PHACTR1: variants seen among roughly 807,000 people sequenced by gnomAD.
PHACTR1 encodes the protein RPEL repeat containing 1.
Under a neutral mutation model 69.2 loss-of-function variants are expected in PHACTR1, and 16 were observed. The ratio of observed to expected loss-of-function variants is 0.23; its 90% CI spans 0.16 to 0.35. The LOEUF is 0.35. Among genes scored for constraint, PHACTR1 ranks in the 10% least tolerant of loss-of-function variants. The pLI, the probability that PHACTR1 is intolerant of heterozygous loss-of-function variation, is 1.00. For synonymous variants in PHACTR1, 312 were observed against 284.5 expected, an observed-to-expected ratio of 1.10 and a Z score of -0.97; for missense variants, 510 against 734.7, an observed-to-expected ratio of 0.69 and a Z score of 3.54.
chr6:12,878,973 T>C (rs1305225863), intron 4 of PHACTR1, among the ~76,000 whole-genome samples: 1 of 152,218 alleles, frequency 6.6e-6, no homozygotes, highest in Non-Finnish European at 1.5e-5. Flanking sequence ...CCTCTGCTTT[T>C]ATCAACAGCA....
chr6:12,888,229 C>T (rs993594833), intron 4 of PHACTR1, among the ~76,000 whole-genome samples: 11 of 152,040 alleles, frequency 7.2e-5, no homozygotes, highest in African/African-American at 1.7e-4. Flanking sequence ...GGGGATACAG[C>T]GTTCATTCAT....
intron 4 of PHACTR1, among the ~76,000 whole-genome samples, chr6:12,756,537 A>G (rs1274669470): frequency 1.7e-4 from 26 of 152,204 alleles, no homozygotes; most frequent in Admixed American, 1.7e-3. Context: ...GACTTTCTAC[A>G]CAGTTACTGA....
At chr6:12,860,200 C>T (rs551302529) in intron 4 of PHACTR1, among the ~76,000 whole-genome samples, 5 of 152,154 alleles carry the variant, frequency 3.3e-5, no homozygotes, top group African/African-American at 1.2e-4. Context: ...CCCCTCGGTG[C>T]CCATATGTTC....
chr6:12,887,965 C>T (rs1002153777), intron 4 of PHACTR1, among the ~76,000 whole-genome samples: 1 of 146,506 alleles, frequency 6.8e-6, no homozygotes, highest in East Asian at 2.1e-4. Flanking sequence ...CCCAGCTACT[C>T]GGGAGGCTGA....
At chr6:13,126,797 G>A (rs908392341) in intron 5 of PHACTR1, among the ~76,000 whole-genome samples, 1 of 152,218 alleles carries the variant, frequency 6.6e-6, no homozygotes, top group African/African-American at 2.4e-5. Flanking sequence ...TATGGAATTT[G>A]TGCTCAGGTC....
Position 13,017,306 on chromosome 6 carries a change from A to C in PHACTR1, c.251-36059A>C, listed in dbSNP as rs76317844. 4.7e-3 allele frequency among the ~76,000 whole-genome samples: 708 copies of C among 151,904 alleles called. 5 individuals carry two copies. The highest frequency in any genetic ancestry group is 0.017 in the African/African-American group (685 of 41,402). On this transcript the variant is annotated intron_variant, in intron 4 of 14. Coordinates refer to ENST00000332995, the MANE Select transcript of PHACTR1 (RefSeq NM_030948.6). ...CTGCCACCTACACTGAATGTGGAAC[A>C]TTAGGTATTGTGGTGTCTGTTTATA...
chr6:12,718,987 T>A, intron 3 of PHACTR1, 140 bp downstream of exon 3: 1 of 473,288 alleles, frequency 2.1e-6, no homozygotes, highest in South Asian at 4.5e-5. Context: ...ACCAAACTGC[T>A]GCTGGAATTG....
rs1185152518 is a variant in PHACTR1, at chr6:13,141,711, A to C, written c.416-18493A>C. 8.8e-5 allele frequency among the ~76,000 whole-genome samples: 12 copies of C among 136,324 alleles called. No individual in the cohort carries two copies. The Admixed American group carries it at 9.0e-4, about 10-fold the overall frequency. The allele number at this position is 136,324 out of a possible 152,430, so 89.4% of individuals were successfully genotyped here. On this transcript the variant is annotated intron_variant, in intron 5 of 14. Coordinates refer to ENST00000332995, the MANE Select transcript of PHACTR1 (RefSeq NM_030948.6). ...TATTTTCTTTATTCCACACATGTTTAGATTTCTTCTTTCTTTTTTTTTTTT... is the reference window on the plus strand; with the variant it reads ...TATTTTCTTTATTCCACACATGTTTCGATTTCTTCTTTCTTTTTTTTTTTT...
intron 5 of PHACTR1, among the ~76,000 whole-genome samples, chr6:13,125,555 C>T (rs1052538939): frequency 1.7e-4 from 26 of 152,108 alleles, no homozygotes; most frequent in African/African-American, 5.8e-4. Flanking sequence ...AAAAATATGT[C>T]ACTCTTAAAA....
At chr6:13,251,257 G>T (rs752748600) in intron 10 of PHACTR1, among the ~76,000 whole-genome samples, 3 of 152,204 alleles carry the variant, frequency 2.0e-5, no homozygotes, top group East Asian at 3.9e-4. Context: ...CTCCTAGAAG[G>T]GGGAGATGGC....
intron 4 of PHACTR1, among the ~76,000 whole-genome samples, chr6:12,949,778 A>G (rs1395818863): frequency 6.6e-6 from 1 of 152,214 alleles, no homozygotes; most frequent in Non-Finnish European, 1.5e-5. Context: ...TTGAAAAAAA[A>G]TCACGAATCA....
Position 13,286,236 on chromosome 6 carries a change from G to GT in PHACTR1, c.1727+24dup, listed in dbSNP as rs750206884. 15,155 of 1,370,204 alleles carry GT rather than the reference G, an allele frequency of 0.011. 2 individuals carry two copies. Among genetic ancestry groups the GT allele is most frequent in the South Asian group, 0.014 (950 of 67,180 alleles). The allele number at this position is 1,370,204 out of a possible 1,614,324, so 84.9% of individuals were successfully genotyped here. ...ACACTTAACAAGGTTAGTATTAAGG[G>GT]TTTTTTTTTTCCTTTTTTTCCCTCA... On this transcript the variant is annotated intron_variant, in intron 14 of 14. Transcript: ENST00000332995.
intron 5 of PHACTR1, among the ~76,000 whole-genome samples, chr6:13,147,650 T>C (rs1823616522): frequency 6.6e-6 from 1 of 152,246 alleles, no homozygotes; most frequent in Admixed American, 6.5e-5. Flanking sequence ...TATTGCCTTA[T>C]AACCACCCTT....
At chr6:13,062,992 T>C (rs973105410) in intron 5 of PHACTR1, among the ~76,000 whole-genome samples, 4 of 152,208 alleles carry the variant, frequency 2.6e-5, no homozygotes, top group African/African-American at 9.7e-5. Context: ...TTACAGGCCT[T>C]GCACTCTAAC....
chr6:12,848,749 T>C (rs1779536100), intron 4 of PHACTR1, among the ~76,000 whole-genome samples: 1 of 152,226 alleles, frequency 6.6e-6, no homozygotes, highest in South Asian at 2.1e-4. Flanking sequence ...TTCAAATGGC[T>C]TTCTGCTGTC....
At chr6:12,920,259 G>A (rs1289632433) in intron 4 of PHACTR1, among the ~76,000 whole-genome samples, 1 of 152,194 alleles carries the variant, frequency 6.6e-6, no homozygotes, top group Admixed American at 6.5e-5. Context: ...ACCTGACAAT[G>A]AGTACAGTGA....
At chr6:13,128,558 G>A (rs1009983795) in intron 5 of PHACTR1, among the ~76,000 whole-genome samples, 1 of 151,888 alleles carries the variant, frequency 6.6e-6, no homozygotes, top group African/African-American at 2.4e-5. Flanking sequence ...AATAATTTCT[G>A]AGCTTGAAGA....
chr6:13,184,005 AAG>A (rs1762516609), intron 7 of PHACTR1, among the ~76,000 whole-genome samples: 2 of 152,340 alleles, frequency 1.3e-5, no homozygotes, highest in South Asian at 4.1e-4. Flanking sequence ...GAATTGATAA[AAG>A]AAAACTATAG....
chr6:12,886,343 T>C (rs935987418), intron 4 of PHACTR1, among the ~76,000 whole-genome samples: 12 of 152,144 alleles, frequency 7.9e-5, no homozygotes, highest in Non-Finnish European at 1.5e-5. Flanking sequence ...TTTTAAAAGT[T>C]AAAAGGTCAC....
Sources: allele counts gnomAD v4.1 joint callset (sites outside exome capture counted in the v4.1 genomes callset), GRCh38; gene constraint gnomAD v4.1.1; transcripts MANE v1.5; gene names NCBI Gene and HGNC (gene_info 2026-07-23, HGNC 2026-07-21).